The following MRPL43 variants were observed in gnomAD, a reference collection of about 807,000 sequenced individuals.
MRPL43 encodes mitochondrial ribosomal protein L43, also known as large ribosomal subunit protein mL43.
In MRPL43, 9 loss-of-function variants were observed where a neutral mutation model predicts 12.7. The observed-to-expected ratio is 0.71, with a 90% CI of 0.43 to 1.24. The LOEUF (loss-of-function observed/expected upper bound fraction) is 1.24, where lower values mean the gene tolerates loss of function less well. MRPL43 is among the 50% of genes most tolerant of loss of function. The probability of loss-of-function intolerance (pLI) is 0.00; values close to 1 mark genes in which losing one functional copy is unlikely to be tolerated. For missense variants in MRPL43, 211 were observed against 229.2 expected, an observed-to-expected ratio of 0.92 and a Z score of 0.51; for synonymous variants, 116 against 96.4, an observed-to-expected ratio of 1.20 and a Z score of -1.19.
chr10:100,984,941 C>A, downstream of MRPL43: 1 of 1,284,840 alleles, frequency 7.8e-7, no homozygotes, highest in Non-Finnish European at 1.0e-6. Flanking sequence ...TGTGGTAACA[C>A]ACACCTGTAT....
downstream of MRPL43, chr10:100,984,095 G>T (rs750866450): frequency 9.3e-6 from 15 of 1,613,170 alleles, no homozygotes; most frequent in African/African-American, 1.3e-5. Context: ...GGAAGCACAC[G>T]CAGCTCGTGG....
chr10:100,986,531 A>T lies in MRPL43; in HGVS notation c.*203T>A. The T allele has an allele frequency of 6.4e-7, 1 of 1,553,744 alleles. No homozygotes were observed. The highest frequency in any genetic ancestry group is 8.7e-7 in the Non-Finnish European group (1 of 1,148,366). On this transcript the variant is annotated 3_prime_UTR_variant, in exon 3 of 3. Coordinates refer to ENST00000318364, the MANE Select transcript of MRPL43 (RefSeq NM_032112.3). Reference sequence around the variant, plus strand: ...AGGTTTTAGGGATGCCACTTGCATAAAAATGAGTGGTTCACAAGGTCACTG... The same window carrying T: ...AGGTTTTAGGGATGCCACTTGCATATAAATGAGTGGTTCACAAGGTCACTG...
At chr10:100,984,099 C>T, downstream of MRPL43, 1 of 1,613,082 alleles carries the variant, frequency 6.2e-7, no homozygotes, top group Non-Finnish European at 8.5e-7. Context: ...GCACACGCAG[C>T]TCGTGGAGCA....
intron 1 of MRPL43, 33 bp from the exon 2 acceptor site, chr10:100,987,229 C>T: frequency 6.2e-7 from 1 of 1,613,352 alleles, no homozygotes; most frequent in Non-Finnish European, 8.5e-7. Context: ...CAGTATGACC[C>T]CTGACTGGGG....
downstream of MRPL43, chr10:100,984,249 A>G: frequency 1.4e-6 from 2 of 1,447,856 alleles, no homozygotes; most frequent in South Asian, 2.9e-5. Context: ...CCTTCTCCCA[A>G]CTTTTTGATG....
downstream of MRPL43, chr10:100,984,193 GCCTC>G: frequency 1.3e-6 from 2 of 1,538,234 alleles, no homozygotes; most frequent in Non-Finnish European, 1.7e-6. Context: ...CTGGGCCACT[GCCTC>G]CCTAACACAG....
chr10:100,985,493 C>G (rs1397200065), downstream of MRPL43: 1 of 152,708 alleles, frequency 6.5e-6, no homozygotes, highest in Non-Finnish European at 1.5e-5. Context: ...GTGAGAATGG[C>G]TACACTTCTT....
At chr10:100,984,265 G>A, downstream of MRPL43, 3 of 1,444,966 alleles carry the variant, frequency 2.1e-6, no homozygotes, top group Middle Eastern at 2.2e-4. Flanking sequence ...TGATGTCCCT[G>A]TAGGGCTGGC....
chr10:100,983,352 G>A (rs1175068535), downstream of MRPL43: 1 of 1,598,648 alleles, frequency 6.3e-7, no homozygotes, highest in East Asian at 2.3e-5. Context: ...GGGTGATGAT[G>A]TCCTCCTGCC....
downstream of MRPL43, chr10:100,979,463 A>G (rs1226292285): frequency 4.9e-6 from 7 of 1,416,674 alleles, no homozygotes; most frequent in Middle Eastern, 2.6e-4. Flanking sequence ...GCTCACTGCA[A>G]TCTCCGCCTC....
At chr10:100,983,737 G>A (rs41291464), downstream of MRPL43, 46,465 of 1,613,010 alleles carry the variant, frequency 0.029, 759 homozygotes, top group Non-Finnish European at 0.035. Flanking sequence ...AGACGAGGGC[G>A]CCGACGGAAA....
At chr10:100,984,001 A>G (rs1851286938), downstream of MRPL43, 2 of 1,612,120 alleles carry the variant, frequency 1.2e-6, no homozygotes, top group Non-Finnish European at 1.7e-6. Context: ...GGCAATAGCT[A>G]TGTGCTTCTG....
At chr10:100,984,415 A>T (rs543028700), downstream of MRPL43, 1 of 1,469,622 alleles carries the variant, frequency 6.8e-7, no homozygotes, top group Non-Finnish European at 9.0e-7. Context: ...CCTATCCCCT[A>T]ACCTAAACAC....
downstream of MRPL43, chr10:100,980,065 G>C (rs930121733): frequency 3.7e-6 from 6 of 1,612,964 alleles, no homozygotes; most frequent in Middle Eastern, 1.6e-4. Context: ...TGGCCTTGTG[G>C]AGAGGGCAGG....
chr10:100,981,219 C>T (rs369529769), downstream of MRPL43: 6 of 1,614,204 alleles, frequency 3.7e-6, no homozygotes, highest in Non-Finnish European at 5.1e-6. Flanking sequence ...GTGAGAGCAG[C>T]AGGGATACAG....
At chr10:100,978,482 G>A, downstream of MRPL43, 1 of 1,596,240 alleles carries the variant, frequency 6.3e-7, no homozygotes. Context: ...CATGTGCCCT[G>A]TTGAATATGA....
At chr10:100,979,499 C>A, downstream of MRPL43, 1 of 1,212,514 alleles carries the variant, frequency 8.2e-7, no homozygotes, top group Non-Finnish European at 1.1e-6. Context: ...TATCCTGCCT[C>A]GGCCTCCCGA....
chr10:100,980,871 C>T, downstream of MRPL43: 1 of 1,609,230 alleles, frequency 6.2e-7, no homozygotes. Flanking sequence ...CTACCACTCT[C>T]CAGCTGCTCC....
chr10:100,979,159 C>T (rs954409603), downstream of MRPL43: 19 of 1,614,058 alleles, frequency 1.2e-5, no homozygotes, highest in East Asian at 2.2e-5. Context: ...CCTGAAAGCC[C>T]GTCTCATCTG....
Sources: gnomAD v4.1 joint callset for allele counts on GRCh38, gnomAD v4.1.1 for gene constraint, MANE v1.5 for transcripts, NCBI Gene and HGNC (gene_info 2026-07-23, HGNC 2026-07-21) for gene names.